Variants in TAB1 observed in about 807,000 individuals in gnomAD.
TAB1 encodes TGF-beta activated kinase 1 (MAP3K7) binding protein 1, also known as TGF-beta-activated kinase 1 and MAP3K7-binding protein 1.
TAB1 carries 30 observed loss-of-function variants against 54.5 expected under a neutral mutation model. The ratio of observed to expected loss-of-function variants is 0.55; its 90% confidence interval spans 0.41 to 0.75. The LOEUF (loss-of-function observed/expected upper bound fraction) is 0.75. Among genes scored for constraint, TAB1 ranks in the 30% least tolerant of loss-of-function variants. TAB1 has a pLI of 0.00. For synonymous variants in TAB1, 289 were observed against 286.9 expected (o/e 1.01, Z -0.07); for missense variants, 609 against 683.2 (o/e 0.89, Z 1.21).
downstream of TAB1, chr22:39,432,657 A>C (rs1568989491): frequency 4.1e-6 from 3 of 731,706 alleles, no homozygotes; most frequent in Non-Finnish European, 5.0e-6. Flanking sequence ...AGAGAGAGAG[A>C]GACATGGTGA....
Position 39,415,013 on chromosome 22 carries a change from A to G in TAB1, c.41A>G (p.Gln14Arg). Reference sequence around the variant, plus strand: ...CCTGGTGTCCTTCCCCAGGAGCAGCAGCCAAGCTGGACAGATGACCTGCCT... The same window carrying G: ...CCTGGTGTCCTTCCCCAGGAGCAGCGGCCAAGCTGGACAGATGACCTGCCT... ...QRRSLLQSEQ[Q>R]PSWTDDLPLC... The change falls in exon 2 of 11, where the codon CAG (glutamine) becomes CGG (arginine). Residue 14 changes from glutamine (Q) to arginine (R), a missense_variant. Physicochemically the swap from Gln to Arg is conservative, Grantham distance 43. Transcript: ENST00000216160. The surrounding 1 kb of genome is among the most constrained non-coding windows in gnomAD (Gnocchi z 4.9). 3.1e-6 allele frequency: 5 copies of G among 1,614,002 alleles called. No individual in the cohort carries two copies. Among genetic ancestry groups the G allele is most frequent in the Non-Finnish European group, 4.2e-6 (5 of 1,179,966 alleles).
At chr22:39,427,525 A>C (rs1001290164) in intron 9 of TAB1, among the ~76,000 whole-genome samples, 1 of 152,244 alleles carries the variant, frequency 6.6e-6, no homozygotes. Context: ...GCTGCTCAGC[A>C]CTAAGACCTT....
chr22:39,419,197 G>A (rs1193496327), intron 6 of TAB1, among the ~76,000 whole-genome samples: 3 of 152,248 alleles, frequency 2.0e-5, no homozygotes, highest in South Asian at 2.1e-4. Context: ...GAGCCCAGCT[G>A]CTGCTGAGCT....
chr22:39,415,283 C>T lies in TAB1; in HGVS notation c.170+141C>T. ...AGAGGTGGCCTCTGCTGCTGTCTTG[C>T]CAAGGGCCTGCTCTGATGGGGTAGC... is the stretch of plus-strand genomic sequence containing the variant. On this transcript the variant is annotated intron_variant, in intron 2 of 10. Coordinates refer to ENST00000216160, the MANE Select transcript of TAB1 (RefSeq NM_006116.3). This position sits in a 1 kb window ranked among gnomAD's most constrained non-coding sequence, Gnocchi z 4.9. The T allele has an allele frequency of 8.5e-7, 1 of 1,179,452 alleles. No individual in the cohort carries two copies. Among genetic ancestry groups the T allele is most frequent in the Non-Finnish European group, 1.2e-6 (1 of 849,154 alleles). 73.1% of individuals were successfully genotyped at this position (1,179,452 alleles called of 1,614,324 possible). A position where few individuals can be genotyped will look rare whatever the true frequency, so the allele number is the denominator to read the frequency against.
chr22:39,432,711 G>A (rs1435947419), downstream of TAB1: 8 of 983,396 alleles, frequency 8.1e-6, no homozygotes, highest in Non-Finnish European at 8.5e-6. Flanking sequence ...CTGGTCACAA[G>A]TGGCCACCAT....
chr22:39,422,689 G>A (rs898997624), intron 8 of TAB1, among the ~76,000 whole-genome samples: 1 of 152,086 alleles, frequency 6.6e-6, no homozygotes, highest in African/African-American at 2.4e-5. Flanking sequence ...GAGCCACCGC[G>A]CCCGGCAGTT....
At chr22:39,408,723 G>A (rs1288231311) in intron 1 of TAB1, among the ~76,000 whole-genome samples, 1 of 152,094 alleles carries the variant, frequency 6.6e-6, no homozygotes, top group Non-Finnish European at 1.5e-5. Context: ...GGCTGGTCTT[G>A]AACTCCTGAC....
rs151136957 is a variant in TAB1 at position 39,418,147 on chromosome 22, A to G, written c.550+298A>G. Among the ~76,000 whole-genome samples, 398 of 152,318 alleles carry G rather than the reference A, an allele frequency of 2.6e-3. 2 individuals are homozygous for G. Among genetic ancestry groups the G allele is most frequent in the African/African-American group, 9.4e-3 (390 of 41,564 alleles). ...GGGGCCGCTGCTTCTGGAAGAGGTT[A>G]CCTGGCCATGAATAACCAACCAGTA... On this transcript the variant is annotated intron_variant, in intron 5 of 10. Transcript: ENST00000216160.
downstream of TAB1, chr22:39,436,560 A>G: frequency 6.2e-7 from 1 of 1,613,378 alleles, no homozygotes; most frequent in Non-Finnish European, 8.5e-7. Flanking sequence ...GGGCAGCCTG[A>G]CCCCAGGGTA....
chr22:39,432,457 C>T (rs1229251548), downstream of TAB1: 2 of 152,332 alleles, frequency 1.3e-5, no homozygotes, highest in Non-Finnish European at 2.9e-5. Context: ...AACAAAGCCA[C>T]TCTCTGTCTG....
At chr22:39,436,760 C>T (rs1378122858), downstream of TAB1, 4 of 595,864 alleles carry the variant, frequency 6.7e-6, no homozygotes, top group Non-Finnish European at 1.2e-5. Context: ...AATGGCCCAT[C>T]CTTCAGGACC....
At chr22:39,436,061 G>A (rs1927771615), downstream of TAB1, among the ~76,000 whole-genome samples, 1 of 152,256 alleles carries the variant, frequency 6.6e-6, no homozygotes, top group South Asian at 2.1e-4. Context: ...GGAGGCCAAG[G>A]CAGGTGGATC....
At position 39,415,710 on chromosome 22, in the gene TAB1, T is replaced by C; in HGVS notation, c.324+57T>C. 2 of 1,573,338 alleles carry C rather than the reference T, an allele frequency of 1.3e-6. No homozygotes were observed. Among genetic ancestry groups the C allele is most frequent in the Non-Finnish European group, 1.7e-6 (2 of 1,162,072 alleles). On this transcript the variant is annotated intron_variant, in intron 3 of 10. Transcript: ENST00000216160. The surrounding 1 kb of genome is among the most constrained non-coding windows in gnomAD (Gnocchi z 4.9). The stretch of plus-strand genomic sequence containing the variant: ...CACATCATGTCCCCCACCCCAAGGC[T>C]TGGGCCCTGCACCTCTAGCATGTTG...
intron 1 of TAB1, among the ~76,000 whole-genome samples, chr22:39,400,595 C>T (rs1252593642): frequency 6.6e-6 from 1 of 152,228 alleles, no homozygotes. Flanking sequence ...GGCCCTGCGT[C>T]CTCTGACGCG....
chr22:39,417,997 G>C (rs191904398), intron 5 of TAB1, 148 bp downstream of exon 5: 1 of 1,042,720 alleles, frequency 9.6e-7, no homozygotes, highest in Non-Finnish European at 1.3e-6. Context: ...CCTCTCCACA[G>C]TGACGCCTCA....
chr22:39,404,867 A>T (rs1926295755), intron 1 of TAB1, among the ~76,000 whole-genome samples: 1 of 151,788 alleles, frequency 6.6e-6, no homozygotes, highest in Non-Finnish European at 1.5e-5. Context: ...CCGGTGGGAG[A>T]AGTGGGGGCC....
In TAB1 at chr22:39,430,287, T is replaced by C. The variant is rs1359377850; in HGVS notation, c.*65T>C. On this transcript the variant is annotated 3_prime_UTR_variant, in exon 11 of 11. Transcript: ENST00000216160. ...GGCAGGACAGGGTCCAGCCTTTTCCTAACATCTGCCTGTGCCACAACGGCC... is the reference window on the plus strand; with the variant it reads ...GGCAGGACAGGGTCCAGCCTTTTCCCAACATCTGCCTGTGCCACAACGGCC... The C allele has an allele frequency of 1.9e-6, 3 of 1,591,728 alleles. No individual in the cohort carries two copies. The African/African-American group carries it at 4.0e-5, about 21-fold the overall frequency.
downstream of TAB1, among the ~76,000 whole-genome samples, chr22:39,435,643 C>T (rs777968693): frequency 6.6e-6 from 1 of 152,204 alleles, no homozygotes; most frequent in Non-Finnish European, 1.5e-5. Context: ...GTAAGCGGCT[C>T]CCTGTGGGTG....
downstream of TAB1, among the ~76,000 whole-genome samples, chr22:39,435,460 G>T (rs921094600): frequency 7.2e-5 from 11 of 152,144 alleles, no homozygotes; most frequent in African/African-American, 2.7e-4. Flanking sequence ...CCCTCACCCA[G>T]CCCCTGAAGG....
Sources: gnomAD v4.1 joint callset for allele counts (sites outside exome capture counted in the v4.1 genomes callset) on GRCh38, gnomAD v4.1.1 for gene constraint, Gnocchi (gnomAD v3.1) non-coding constraint, MANE v1.5 for transcripts, NCBI Gene and HGNC (gene_info 2026-07-23, HGNC 2026-07-21) for gene names.